Variants in TGM5 observed in about 807,000 individuals in gnomAD.
TGM5 encodes transglutaminase 5.
In TGM5, 69 loss-of-function variants were observed where a neutral mutation model predicts 77.2. That is an observed-to-expected ratio of 0.89 (90% CI 0.74 to 1.09). The LOEUF (loss-of-function observed/expected upper bound fraction) is 1.09, where lower values mean the gene tolerates loss of function less well. Ranked by LOEUF, TGM5 falls within the 50% of genes least tolerant of loss-of-function variation. The pLI, the probability that TGM5 is intolerant of heterozygous loss-of-function variation, is 0.00. For missense variants in TGM5, 842 were observed against 896.5 expected, an observed-to-expected ratio of 0.94 and a Z score of 0.78; for synonymous variants, 346 against 351.8, an observed-to-expected ratio of 0.98 and a Z score of 0.18.
At position 43,260,392 on chromosome 15, in the gene TGM5, G is replaced by T; in HGVS notation, c.190+8C>A. 2 of 1,614,202 alleles carry T rather than the reference G, an allele frequency of 1.2e-6. No individual in the cohort carries two copies. The highest frequency in any genetic ancestry group is 1.7e-6 in the Non-Finnish European group (2 of 1,180,038). Reference sequence around the variant, plus strand: ...ACACAGCCCCTGTGAGCCAGCTGGGGTTCTTACCAGTTTCAACCACGAAGA... The same window carrying T: ...ACACAGCCCCTGTGAGCCAGCTGGGTTTCTTACCAGTTTCAACCACGAAGA... On this transcript the variant is annotated splice_region_variant and intron_variant, in intron 2 of 12. Transcript: ENST00000220420.
chr15:43,241,017 C>T, intron 6 of TGM5, 27 bp from the exon 7 acceptor site: 1 of 1,614,108 alleles, frequency 6.2e-7, no homozygotes, highest in Non-Finnish European at 8.5e-7. Flanking sequence ...AAAAAATCAC[C>T]TGTGAGCTGT....
chr15:43,242,886 C>T (rs1017637663), intron 6 of TGM5, among the ~76,000 whole-genome samples: 2 of 152,148 alleles, frequency 1.3e-5, no homozygotes, highest in East Asian at 3.9e-4. Flanking sequence ...ATTGCAGGGG[C>T]GCATTTATGC....
At chr15:43,254,698 GC>G (rs1455676282) in intron 4 of TGM5, among the ~76,000 whole-genome samples, 1 of 152,056 alleles carries the variant, frequency 6.6e-6, no homozygotes, top group Non-Finnish European at 1.5e-5. Context: ...TCTGCAGCGG[GC>G]CAAACCGTTT....
intron 6 of TGM5, among the ~76,000 whole-genome samples, chr15:43,248,637 TC>T (rs1358471557): frequency 6.6e-5 from 10 of 152,240 alleles, no homozygotes; most frequent in African/African-American, 2.4e-4. Flanking sequence ...GAGGGAACAT[TC>T]CGTACTATCT....
chr15:43,254,324 GT>G, intron 4 of TGM5, among the ~76,000 whole-genome samples: 1 of 152,232 alleles, frequency 6.6e-6, no homozygotes, highest in Middle Eastern at 3.2e-3. Context: ...GGCTGTTTCA[GT>G]CCAGCTCTCT....
At chr15:43,254,993 C>G (rs1466445399) in intron 4 of TGM5, among the ~76,000 whole-genome samples, 1 of 152,016 alleles carries the variant, frequency 6.6e-6, no homozygotes, top group Non-Finnish European at 1.5e-5. Flanking sequence ...CACTTAGCAC[C>G]CTGCCTGGCA....
At chr15:43,266,808 T>G (rs1340853243) in intron 1 of TGM5, 32 bp downstream of exon 1, 14 of 1,614,066 alleles carry the variant, frequency 8.7e-6, no homozygotes, top group Non-Finnish European at 1.2e-5. Flanking sequence ...TTCTTATCCC[T>G]GAACTCCAGT....
In TGM5 at chr15:43,233,536, A is replaced by G; in HGVS notation, c.2009+18T>C. ...AGGGGGGAAAAACAGGAGAAGGCTG[A>G]GCACTTGCAGCACTTACAAGACTTT... On this transcript the variant is annotated intron_variant, in intron 12 of 12. Transcript: ENST00000220420. 1.9e-6 allele frequency: 3 copies of G among 1,614,170 alleles called. No individual in the cohort carries two copies. The South Asian group carries it at 3.3e-5, about 18-fold the overall frequency.
At chr15:43,246,284 A>G (rs1160441813) in intron 6 of TGM5, among the ~76,000 whole-genome samples, 2 of 152,168 alleles carry the variant, frequency 1.3e-5, no homozygotes, top group Non-Finnish European at 2.9e-5. Context: ...ATCAGGTGCA[A>G]TGTTTGGTTC....
intron 4 of TGM5, among the ~76,000 whole-genome samples, chr15:43,255,893 A>G (rs1190099847): frequency 6.6e-6 from 1 of 152,262 alleles, no homozygotes; most frequent in Non-Finnish European, 1.5e-5. Context: ...GCGTTTTAGA[A>G]TGCGTATAGA....
In TGM5 at chr15:43,252,771, C is replaced by G; in HGVS notation, c.850G>C (p.Val284Leu). The change falls in exon 6 of 13, where the codon GTC (valine) becomes CTC (leucine). Residue 284 changes from valine (V) to leucine (L), a missense_variant. Physicochemically the swap from Val to Leu is conservative, Grantham distance 32. Coordinates refer to ENST00000220420, the MANE Select transcript of TGM5 (RefSeq NM_201631.4). Reference sequence around the variant, plus strand: ...TTCTACCTCCTACCTGTGCACATGACGGCAGCAAAGACCCAGCATTGCCCG... The same window carrying G: ...TTCTACCTCCTACCTGTGCACATGAGGGCAGCAAAGACCCAGCATTGCCCG... The part of the protein sequence containing the change: ...RYGQCWVFAA[V>L]MCTVMRCLGI... 6.2e-7 allele frequency: 1 copy of G among 1,613,908 alleles called. No individual in the cohort carries two copies. The highest frequency in any genetic ancestry group is 2.2e-5 in the East Asian group (1 of 44,884).
At chr15:43,245,899 TG>T (rs34700701) in intron 6 of TGM5, among the ~76,000 whole-genome samples, 7,018 of 109,082 alleles carry the variant, frequency 0.064, 172 homozygotes, top group South Asian at 0.11. Flanking sequence ...GTGTGTGTGT[TG>T]GGGGGGGGGG....
intron 3 of TGM5, among the ~76,000 whole-genome samples, chr15:43,259,621 T>C (rs569194104): frequency 1.7e-4 from 26 of 152,294 alleles, no homozygotes; most frequent in African/African-American, 6.3e-4. Flanking sequence ...AGAATAGAAC[T>C]GCTGTTGAAT....
At position 43,239,221 on chromosome 15, in the gene TGM5, C is replaced by A. The variant is rs750572792; in HGVS notation, c.1047G>T (p.Leu349=). The stretch of plus-strand genomic sequence containing the variant: ...CCTGCCAGCCTCCATATGCAGGGGG[C>A]AGATCCTTCCGGGCCATCCAGCACT... ...WNECWMARKD[L]PPAYGGWQVL... The change falls in exon 8 of 13, where the codon CTG becomes CTT. Residue 349 remains leucine (L), a synonymous_variant. Transcript: ENST00000220420. The A allele has an allele frequency of 3.1e-6, 5 of 1,614,166 alleles. No individual in the cohort carries two copies. The Admixed American group carries it at 6.7e-5, about 22-fold the overall frequency.
chr15:43,252,492 A>G (rs1389209626), intron 6 of TGM5, among the ~76,000 whole-genome samples: 1 of 151,408 alleles, frequency 6.6e-6, no homozygotes, highest in Non-Finnish European at 1.5e-5. Context: ...TAATTTTTGT[A>G]TTTTTAGTAG....
At chr15:43,245,889 G>A (rs952357093) in intron 6 of TGM5, among the ~76,000 whole-genome samples, 2 of 142,270 alleles carry the variant, frequency 1.4e-5, no homozygotes, top group Admixed American at 7.1e-5. Context: ...GGTTATCTGT[G>A]TGTGTGTGTT....
intron 4 of TGM5, among the ~76,000 whole-genome samples, chr15:43,256,356 T>G (rs2042742000): frequency 6.6e-6 from 1 of 152,118 alleles, no homozygotes; most frequent in Non-Finnish European, 1.5e-5. Flanking sequence ...TACCCTTAGC[T>G]CTTGTTGTCC....
chr15:43,261,076 G>GTTT (rs1555384178), intron 1 of TGM5, among the ~76,000 whole-genome samples: 6 of 56,880 alleles, frequency 1.1e-4, no homozygotes, highest in Non-Finnish European at 1.3e-4. Flanking sequence ...TTGTGTGTGT[G>GTTT]TTTTTTTTTT....
At chr15:43,260,748 A>C in intron 1 of TGM5, 169 bp from the exon 2 acceptor site, 1 of 759,446 alleles carries the variant, frequency 1.3e-6, no homozygotes, top group African/African-American at 1.7e-5. Flanking sequence ...GATAAGGATG[A>C]GGATTTAATG....
Sources: gnomAD v4.1 joint callset for allele counts (sites outside exome capture counted in the v4.1 genomes callset) on GRCh38, gnomAD v4.1.1 for gene constraint, MANE v1.5 for transcripts, NCBI Gene and HGNC (gene_info 2026-07-23, HGNC 2026-07-21) for gene names.